The following PLCE1 variants were observed in gnomAD, a reference collection of about 807,000 sequenced individuals.
The protein encoded by PLCE1 is phospholipase C epsilon 1, also known as 1-phosphatidylinositol 4,5-bisphosphate phosphodiesterase epsilon-1.
In PLCE1, 119 loss-of-function variants were observed where a neutral mutation model predicts 242.8. The observed-to-expected ratio is 0.49, with a 90% CI of 0.42 to 0.57. The LOEUF (loss-of-function observed/expected upper bound fraction) is 0.57, where lower values mean the gene tolerates loss of function less well. Ranked by LOEUF, PLCE1 falls within the 20% of genes least tolerant of loss-of-function variation. PLCE1 has a pLI of 0.00. For synonymous variants in PLCE1, 945 were observed against 1,017.4 expected, an observed-to-expected ratio of 0.93 and a Z score of 1.35; for missense variants, 2,441 against 2,788.8, an observed-to-expected ratio of 0.88 and a Z score of 2.81.
At chr10:94,113,041 G>C (rs1396805630) in intron 2 of PLCE1, among the ~76,000 whole-genome samples, 1 of 152,090 alleles carries the variant, frequency 6.6e-6, no homozygotes, top group Non-Finnish European at 1.5e-5. Context: ...TATATGAAAT[G>C]TCCCAAACAG....
At chr10:94,230,020 A>G (rs1015015250) in intron 5 of PLCE1, among the ~76,000 whole-genome samples, 6 of 151,728 alleles carry the variant, frequency 4.0e-5, no homozygotes, top group Non-Finnish European at 5.9e-5. Context: ...CAAGCAATTA[A>G]CTATTACCAA....
intron 1 of PLCE1, among the ~76,000 whole-genome samples, chr10:94,020,519 A>G (rs1394088423): frequency 6.6e-6 from 1 of 152,020 alleles, no homozygotes; most frequent in African/African-American, 2.4e-5. Flanking sequence ...TGTGGTTTGT[A>G]TTTAGCCTAG....
chr10:94,131,486 T>C (rs932328912), intron 2 of PLCE1, among the ~76,000 whole-genome samples: 19 of 152,180 alleles, frequency 1.2e-4, no homozygotes, highest in African/African-American at 4.6e-4. Context: ...GTCCTAACAG[T>C]GCAATCTTCT....
chr10:94,289,504 C>T (rs1400918412), intron 22 of PLCE1, among the ~76,000 whole-genome samples: 2 of 152,206 alleles, frequency 1.3e-5, no homozygotes, highest in East Asian at 1.9e-4. Flanking sequence ...ATAGAGTGAA[C>T]TTAGACAAAG....
intron 2 of PLCE1, among the ~76,000 whole-genome samples, chr10:94,048,216 A>C (rs909356977): frequency 6.6e-6 from 1 of 152,146 alleles, no homozygotes; most frequent in African/African-American, 2.4e-5. Context: ...TTGGTATTTT[A>C]AACAATCCAT....
chr10:94,099,283 C>G (rs909314489), intron 2 of PLCE1, among the ~76,000 whole-genome samples: 2 of 152,190 alleles, frequency 1.3e-5, no homozygotes, highest in African/African-American at 4.8e-5. Flanking sequence ...AGACTTTAAA[C>G]CCTGCTTCCT....
chr10:94,052,069 G>C (rs1230461960), intron 2 of PLCE1, among the ~76,000 whole-genome samples: 1 of 152,112 alleles, frequency 6.6e-6, no homozygotes, highest in Non-Finnish European at 1.5e-5. Flanking sequence ...ATCCAGAATA[G>C]TGCTTTGCAC....
At chr10:94,131,359 G>A (rs1469121117) in intron 2 of PLCE1, among the ~76,000 whole-genome samples, 1 of 152,208 alleles carries the variant, frequency 6.6e-6, no homozygotes, top group East Asian at 1.9e-4. Context: ...AGAGGTGTCT[G>A]CTGCCCCTCA....
intron 27 of PLCE1, among the ~76,000 whole-genome samples, chr10:94,310,526 A>G (rs1589519277): frequency 6.6e-6 from 1 of 152,098 alleles, no homozygotes. Context: ...GGTTTAGAAG[A>G]GCACTTTGGC....
intron 3 of PLCE1, among the ~76,000 whole-genome samples, chr10:94,160,891 A>T (rs2047590000): frequency 6.6e-6 from 1 of 152,124 alleles, no homozygotes; most frequent in Non-Finnish European, 1.5e-5. Flanking sequence ...TGTTTTTGTC[A>T]GGTTTGTCAA....
rs781222479 is a variant in PLCE1 at position 94,031,043 on chromosome 10, C to G, written c.-4C>G. 1 of 1,613,444 alleles carries G rather than the reference C, an allele frequency of 6.2e-7. No individual in the cohort carries two copies. Among genetic ancestry groups the G allele is most frequent in the Non-Finnish European group, 8.5e-7 (1 of 1,179,562 alleles). ...AATAGTCAAAACCTGTGTGTTAGTC[C>G]AAGATGACTTCTGAAGAAATGACAG... On this transcript the variant is annotated 5_prime_UTR_variant, in exon 2 of 33. Transcript: ENST00000371380.
rs1026875209 is a variant in PLCE1, at chr10:94,038,059, T to C, written c.1206+5807T>C. ...GATCCAGTGGGCAAGGATAAAACCA[T>C]CTGGTGAAACCCTGATCTGCTCCAC... is the stretch of plus-strand genomic sequence containing the variant. On this transcript the variant is annotated intron_variant, in intron 2 of 32. Coordinates refer to ENST00000371380, the MANE Select transcript of PLCE1 (RefSeq NM_016341.4). 3.9e-5 allele frequency among the ~76,000 whole-genome samples: 6 copies of C among 152,206 alleles called. No individual in the cohort carries two copies. In the South Asian group the frequency reaches 1.0e-3, roughly 26 times the overall value.
At chr10:94,099,391 AC>A (rs1316304818) in intron 2 of PLCE1, among the ~76,000 whole-genome samples, 1 of 152,160 alleles carries the variant, frequency 6.6e-6, no homozygotes, top group Non-Finnish European at 1.5e-5. Flanking sequence ...CCTCTCAGCA[AC>A]CCTGTTTTAC....
At chr10:94,258,682 A>G (rs1432571135) in intron 11 of PLCE1, 118 bp from the exon 12 acceptor site, 2 of 1,181,832 alleles carry the variant, frequency 1.7e-6, no homozygotes, top group African/African-American at 3.0e-5. Flanking sequence ...AATAGCTTCA[A>G]TCTTAAATAA....
intron 9 of PLCE1, among the ~76,000 whole-genome samples, chr10:94,253,065 C>T (rs1417499417): frequency 6.6e-6 from 1 of 152,070 alleles, no homozygotes; most frequent in Non-Finnish European, 1.5e-5. Context: ...TATATTAGCA[C>T]TGTGTATTAT....
chr10:94,011,016 G>A (rs2061157034), intron 1 of PLCE1, among the ~76,000 whole-genome samples: 1 of 152,008 alleles, frequency 6.6e-6, no homozygotes, highest in South Asian at 2.1e-4. Context: ...TTATAGCAAT[G>A]CCCCAGTCCC....
intron 2 of PLCE1, among the ~76,000 whole-genome samples, chr10:94,106,912 TTCTCTCTCTCTC>T (rs771182277): frequency 2.8e-4 from 11 of 38,770 alleles, no homozygotes; most frequent in East Asian, 8.2e-4. Flanking sequence ...TGTCTCTTGT[TTCTCTCTCTCTC>T]TCTCTCTCTC....
intron 1 of PLCE1, among the ~76,000 whole-genome samples, chr10:94,029,086 CTG>C (rs774141024): frequency 4.6e-5 from 7 of 152,122 alleles, no homozygotes; most frequent in Non-Finnish European, 1.0e-4. Context: ...GAATGGGACT[CTG>C]TCTCAAAATT....
intron 2 of PLCE1, among the ~76,000 whole-genome samples, chr10:94,109,660 C>G (rs2045882379): frequency 6.6e-6 from 1 of 152,074 alleles, no homozygotes; most frequent in Admixed American, 6.6e-5. Context: ...AGCTAAACTT[C>G]CTTAATAAAT....
Sources: gnomAD v4.1 joint callset for allele counts (sites outside exome capture counted in the v4.1 genomes callset) on GRCh38, gnomAD v4.1.1 for gene constraint, MANE v1.5 for transcripts, NCBI Gene and HGNC (gene_info 2026-07-23, HGNC 2026-07-21) for gene names.